The following LYPD6B variants were observed in gnomAD, a reference collection of about 807,000 sequenced individuals.
The protein encoded by LYPD6B is LY6/PLAUR domain containing 6B, also known as ly6/PLAUR domain-containing protein 6B.
Under a neutral mutation model 22.8 loss-of-function variants are expected in LYPD6B, and 17 were observed. The ratio of observed to expected loss-of-function variants is 0.75; its 90% confidence interval spans 0.51 to 1.12. The LOEUF is 1.12. Ranked by LOEUF, LYPD6B falls within the 50% of genes most tolerant of loss-of-function variation. The pLI, the probability that LYPD6B is intolerant of heterozygous loss-of-function variation, is 0.00. For missense variants in LYPD6B, 221 were observed against 258.3 expected (o/e 0.86, Z 0.99); for synonymous variants, 106 against 91.6 (o/e 1.16, Z -0.90).
At chr2:149,095,352 G>A (rs773859897) in intron 1 of LYPD6B, among the ~76,000 whole-genome samples, 3 of 152,020 alleles carry the variant, frequency 2.0e-5, no homozygotes, top group Non-Finnish European at 2.9e-5. Context: ...TTTTTAAAAG[G>A]GTAGTATGCA....
At chr2:149,130,534 G>T (rs1167700558) in intron 1 of LYPD6B, among the ~76,000 whole-genome samples, 2 of 152,216 alleles carry the variant, frequency 1.3e-5, no homozygotes, top group Admixed American at 6.5e-5. Context: ...GCATCTAAAA[G>T]AGGGTATTAG....
chr2:149,186,525 G>A (rs920689260), intron 3 of LYPD6B, among the ~76,000 whole-genome samples: 2 of 152,206 alleles, frequency 1.3e-5, no homozygotes, highest in Non-Finnish European at 2.9e-5. Flanking sequence ...AGGTGCTGAT[G>A]AAGAAGCTGC....
At chr2:149,119,916 G>A (rs1336356764) in intron 1 of LYPD6B, among the ~76,000 whole-genome samples, 1 of 152,060 alleles carries the variant, frequency 6.6e-6, no homozygotes, top group African/African-American at 2.4e-5. Context: ...GGTATAGTGA[G>A]GCATGTGGAT....
chr2:149,166,184 G>A (rs1238522530), intron 3 of LYPD6B, among the ~76,000 whole-genome samples: 2 of 152,094 alleles, frequency 1.3e-5, no homozygotes, highest in African/African-American at 4.8e-5. Context: ...AAAAAATGTT[G>A]TGTTTATTTA....
At chr2:149,044,427 T>C (rs1467916928) in intron 1 of LYPD6B, among the ~76,000 whole-genome samples, 1 of 152,080 alleles carries the variant, frequency 6.6e-6, no homozygotes, top group Non-Finnish European at 1.5e-5. Context: ...TTTTGTGTGT[T>C]GGTATTGTAT....
intron 1 of LYPD6B, among the ~76,000 whole-genome samples, chr2:149,082,551 A>G (rs1416190031): frequency 6.6e-6 from 1 of 152,184 alleles, no homozygotes; most frequent in Non-Finnish European, 1.5e-5. Context: ...TTCTGAATGT[A>G]AATTTTATTG....
At chr2:149,065,602 C>G (rs1439447639) in intron 1 of LYPD6B, among the ~76,000 whole-genome samples, 1 of 152,218 alleles carries the variant, frequency 6.6e-6, no homozygotes, top group Admixed American at 6.5e-5. Context: ...TCAAAGTGAG[C>G]CTGGTTGATT....
chr2:149,103,839 T>A (rs746983458), intron 1 of LYPD6B, among the ~76,000 whole-genome samples: 34 of 137,616 alleles, frequency 2.5e-4, no homozygotes, highest in South Asian at 1.4e-3. Flanking sequence ...TGCAGTGGCA[T>A]GATCTCAGAT....
intron 3 of LYPD6B, chr2:149,187,396 T>C (rs1692184388): frequency 6.7e-7 from 1 of 1,500,340 alleles, no homozygotes; most frequent in Non-Finnish European, 8.9e-7. Context: ...CATGACTTGA[T>C]ACAATTGTTA....
chr2:149,100,840 A>G (rs1686170552), intron 1 of LYPD6B, among the ~76,000 whole-genome samples: 1 of 152,204 alleles, frequency 6.6e-6, no homozygotes, highest in African/African-American at 2.4e-5. Context: ...GTGACCTAGA[A>G]TTCAAAGTGT....
At position 149,160,767 on chromosome 2, in the gene LYPD6B, G is replaced by A. The variant is rs1690005260; in HGVS notation, c.9G>A (p.Leu3=). Residue 3 remains leucine, a synonymous_variant, in exon 3 of 7, where the codon CTG becomes CTA. Coordinates refer to ENST00000409642, the MANE Select transcript of LYPD6B (RefSeq NM_177964.5). ML[L]ITLSANLFTV... ...TATCTTTTTTTATCTCTGGTAGGCTGATTACTCTGAGTGCAAACCTTTTCA... is the reference window on the plus strand; with the variant it reads ...TATCTTTTTTTATCTCTGGTAGGCTAATTACTCTGAGTGCAAACCTTTTCA... 1 of 1,553,264 alleles carries A rather than the reference G, an allele frequency of 6.4e-7. No individual in the cohort carries two copies. Among genetic ancestry groups the A allele is most frequent in the Non-Finnish European group, 8.7e-7 (1 of 1,146,794 alleles).
At chr2:149,043,524 A>G (rs1471562250) in intron 1 of LYPD6B, among the ~76,000 whole-genome samples, 1 of 152,152 alleles carries the variant, frequency 6.6e-6, no homozygotes, top group African/African-American at 2.4e-5. Context: ...GTTCAGTACA[A>G]TAATTTGGAT....
intron 1 of LYPD6B, among the ~76,000 whole-genome samples, chr2:149,047,792 C>T (rs963524750): frequency 2.6e-5 from 4 of 152,140 alleles, no homozygotes; most frequent in African/African-American, 7.2e-5. Context: ...AGCTCTTGGG[C>T]ACTCCATTCG....
chr2:149,114,160 A>G (rs72855857), intron 1 of LYPD6B, among the ~76,000 whole-genome samples: 12,865 of 152,236 alleles, frequency 0.085, 733 homozygotes, highest in Non-Finnish European at 0.13. Flanking sequence ...TAAGGATTCA[A>G]GTATGGAATT....
intron 3 of LYPD6B, among the ~76,000 whole-genome samples, chr2:149,187,873 A>T (rs955885850): frequency 1.3e-5 from 2 of 152,260 alleles, no homozygotes; most frequent in African/African-American, 4.8e-5. Flanking sequence ...CTTAGAGGGT[A>T]TAAATTGGAT....
chr2:149,214,266 C>T (rs1450337828), intron 6 of LYPD6B, among the ~76,000 whole-genome samples: 1 of 152,140 alleles, frequency 6.6e-6, no homozygotes, highest in Non-Finnish European at 1.5e-5. Flanking sequence ...ATCAAGCACT[C>T]TTATGCAGTT....
intron 3 of LYPD6B, among the ~76,000 whole-genome samples, chr2:149,195,120 A>AT (rs60919671): frequency 0.015 from 2,345 of 152,298 alleles, 75 homozygotes; most frequent in African/African-American, 0.054. Flanking sequence ...GTGAAAAGTC[A>AT]TTTTTTTAAA....
intron 3 of LYPD6B, among the ~76,000 whole-genome samples, chr2:149,202,322 C>G (rs1339996687): frequency 6.6e-6 from 1 of 152,158 alleles, no homozygotes; most frequent in Non-Finnish European, 1.5e-5. Context: ...CCACCGACTC[C>G]CTGACTGTCC....
intron 2 of LYPD6B, among the ~76,000 whole-genome samples, chr2:149,133,986 G>A (rs993692795): frequency 3.9e-5 from 6 of 152,218 alleles, no homozygotes; most frequent in African/African-American, 9.6e-5. Flanking sequence ...AGTGCTATGC[G>A]AAAACAAATA....
Sources: allele counts gnomAD v4.1 joint callset (sites outside exome capture counted in the v4.1 genomes callset), GRCh38; gene constraint gnomAD v4.1.1; transcripts MANE v1.5; gene names NCBI Gene and HGNC (gene_info 2026-07-23, HGNC 2026-07-21).